The following NAAA variants were observed in gnomAD, a reference collection of about 807,000 sequenced individuals.
NAAA encodes N-acylethanolamine acid amidase.
NAAA carries 39 observed loss-of-function variants against 44.8 expected under a neutral mutation model. That is an observed-to-expected ratio of 0.87 (90% confidence interval 0.67 to 1.14). The LOEUF (loss-of-function observed/expected upper bound fraction) is 1.14. Ranked by LOEUF, NAAA falls within the 50% of genes most tolerant of loss-of-function variation. The pLI is 0.00. For synonymous variants in NAAA, 178 were observed against 191.3 expected, an observed-to-expected ratio of 0.93 and a Z score of 0.58; for missense variants, 460 against 467.8, an observed-to-expected ratio of 0.98 and a Z score of 0.15.
At chr4:75,925,976 C>A (rs1726647113) in intron 4 of NAAA, among the ~76,000 whole-genome samples, 165 bp from the exon 5 acceptor site, 2 of 152,276 alleles carry the variant, frequency 1.3e-5, no homozygotes, top group Middle Eastern at 3.4e-3. Flanking sequence ...GGAAATAATT[C>A]TATTAATTAT....
intron 2 of NAAA, chr4:75,939,647 C>A (rs527304375): frequency 4.6e-6 from 1 of 217,854 alleles, no homozygotes; most frequent in East Asian, 1.0e-4. Context: ...GAACTCCTAA[C>A]CTCGTGATCT....
At chr4:75,933,800 C>T (rs1318174809) in intron 3 of NAAA, among the ~76,000 whole-genome samples, 14 of 151,686 alleles carry the variant, frequency 9.2e-5, no homozygotes, top group Admixed American at 5.9e-4. Context: ...TTTGGGAGGC[C>T]GAGGCGGGTG....
intron 3 of NAAA, among the ~76,000 whole-genome samples, chr4:75,933,077 G>A (rs1427670065): frequency 2.7e-5 from 4 of 148,838 alleles, no homozygotes; most frequent in East Asian, 2.0e-4. Flanking sequence ...AGAGGTTGCC[G>A]TGAGCCAAGA....
At chr4:75,923,837 C>T (rs1417438964) in intron 5 of NAAA, among the ~76,000 whole-genome samples, 1 of 152,130 alleles carries the variant, frequency 6.6e-6, no homozygotes, top group Non-Finnish European at 1.5e-5. Flanking sequence ...CGCGCCCGGC[C>T]CATCTTCCCT....
chr4:75,913,537 G>T, downstream of NAAA: 1 of 369,964 alleles, frequency 2.7e-6, no homozygotes, highest in Non-Finnish European at 3.7e-6. Flanking sequence ...CCAAGCAGCT[G>T]TTCATTCCCT....
intron 5 of NAAA, among the ~76,000 whole-genome samples, chr4:75,924,764 C>T (rs1445145140): frequency 6.6e-6 from 1 of 152,210 alleles, no homozygotes; most frequent in Non-Finnish European, 1.5e-5. Flanking sequence ...TCTAGCCAGG[C>T]TCCTCTGAGA....
At chr4:75,929,184 G>A (rs1170996839) in intron 4 of NAAA, among the ~76,000 whole-genome samples, 2 of 152,174 alleles carry the variant, frequency 1.3e-5, no homozygotes, top group African/African-American at 2.4e-5. Context: ...TTTAAACCCA[G>A]GCAGACTGGC....
intron 4 of NAAA, among the ~76,000 whole-genome samples, chr4:75,929,088 G>A (rs762248178): frequency 2.6e-5 from 4 of 151,938 alleles, no homozygotes; most frequent in Non-Finnish European, 4.4e-5. Context: ...CACCGCGCCC[G>A]GCCCATCCCT....
chr4:75,936,199 G>A lies in NAAA; in HGVS notation c.408C>T (p.Gly136=). The A allele has an allele frequency of 6.2e-7, 1 of 1,613,920 alleles. No individual in the cohort carries two copies. The highest frequency in any genetic ancestry group is 8.5e-7 in the Non-Finnish European group (1 of 1,179,908). The change falls in exon 3 of 11, where the codon GGC becomes GGT. Residue 136 remains glycine (G), a synonymous_variant. Transcript: ENST00000286733. The part of the protein sequence containing the change: ...CTSIVAQDSR[G]HIYHGRNLDY... ...CCAAATTCCGACCATGGTAAATGTG[G>A]CCTCTGGAGTCTTGAGCCACAATAC...
intron 5 of NAAA, among the ~76,000 whole-genome samples, 173 bp from the exon 6 acceptor site, chr4:75,921,296 C>T (rs1249643595): frequency 1.3e-5 from 2 of 152,220 alleles, no homozygotes; most frequent in African/African-American, 2.4e-5. Context: ...GAAGAAATTT[C>T]AGCTTCAAAG....
At chr4:75,934,092 T>C (rs1278054791) in intron 3 of NAAA, among the ~76,000 whole-genome samples, 1 of 135,598 alleles carries the variant, frequency 7.4e-6, no homozygotes, top group African/African-American at 2.7e-5. Flanking sequence ...ATAATAATAA[T>C]AATAATTTAC....
intron 4 of NAAA, among the ~76,000 whole-genome samples, chr4:75,927,228 T>C (rs1726785055): frequency 6.7e-6 from 1 of 148,882 alleles, no homozygotes; most frequent in South Asian, 2.1e-4. Flanking sequence ...CCAAAGTGGG[T>C]GGATCACTTG....
At chr4:75,911,348 T>C (rs1483908541), downstream of NAAA, 1 of 505,768 alleles carries the variant, frequency 2.0e-6, no homozygotes, top group Admixed American at 2.3e-5. Context: ...GGGTTCTTCT[T>C]GCTCACTGCA....
chr4:75,933,247 G>GA (rs947077963), intron 3 of NAAA, among the ~76,000 whole-genome samples: 48 of 151,504 alleles, frequency 3.2e-4, no homozygotes, highest in African/African-American at 1.2e-3. Flanking sequence ...ATTTTCCTTA[G>GA]AAAAATTAGG....
At chr4:75,922,995 A>G (rs769415671) in intron 5 of NAAA, among the ~76,000 whole-genome samples, 12 of 151,948 alleles carry the variant, frequency 7.9e-5, no homozygotes, top group South Asian at 2.1e-4. Context: ...GGAAATGGGC[A>G]GTGACTGCTA....
At chr4:75,918,299 C>CA (rs371541962) in intron 9 of NAAA, among the ~76,000 whole-genome samples, 7 of 152,114 alleles carry the variant, frequency 4.6e-5, no homozygotes, top group African/African-American at 7.2e-5. Flanking sequence ...TTAAAAAATA[C>CA]AAAAAATTAG....
intron 5 of NAAA, among the ~76,000 whole-genome samples, chr4:75,923,017 G>A (rs76244044): frequency 0.022 from 3,361 of 151,908 alleles, 124 homozygotes; most frequent in African/African-American, 0.076. Context: ...TAGACATGGA[G>A]TTTCTTTCTT....
intron 5 of NAAA, among the ~76,000 whole-genome samples, chr4:75,921,368 T>G (rs1302089646): frequency 2.6e-5 from 4 of 152,210 alleles, no homozygotes; most frequent in Non-Finnish European, 5.9e-5. Context: ...GCCCTAGGCC[T>G]GGCTCAGCAA....
chr4:75,934,381 T>A (rs1727519153), intron 3 of NAAA, among the ~76,000 whole-genome samples: 1 of 151,910 alleles, frequency 6.6e-6, no homozygotes, highest in Admixed American at 6.6e-5. Flanking sequence ...AGTGGTGCGA[T>A]CTCAGCTCAC....
Sources: gnomAD v4.1 joint callset for allele counts (sites outside exome capture counted in the v4.1 genomes callset) on GRCh38, gnomAD v4.1.1 for gene constraint, MANE v1.5 for transcripts, NCBI Gene and HGNC (gene_info 2026-07-23, HGNC 2026-07-21) for gene names.